Variants in PPAN observed in about 807,000 individuals in gnomAD.
The protein encoded by PPAN is peter pan homolog.
PPAN carries 39 observed loss-of-function variants against 48.5 expected under a neutral mutation model. The observed-to-expected ratio is 0.80, with a 90% CI of 0.62 to 1.05. The LOEUF is 1.05. Among genes scored for constraint, PPAN ranks in the 50% least tolerant of loss-of-function variants. The pLI, the probability that PPAN is intolerant of heterozygous loss-of-function variation, is 0.00. For missense variants in PPAN, 736 were observed against 661.7 expected (o/e 1.11, Z -1.23); for synonymous variants, 315 against 268.6 (o/e 1.17, Z -1.69).
intron 2 of PPAN, 200 bp downstream of exon 2, chr19:10,106,871 T>C: frequency 2.3e-6 from 2 of 863,274 alleles, no homozygotes; most frequent in East Asian, 2.7e-5. Context: ...AGATAGATAG[T>C]CGCCTAAGCC....
rs763976517 is a variant in PPAN, at chr19:10,109,942, G to A, written c.620G>A (p.Ser207Asn). Residue 207 changes from serine to asparagine, a missense_variant, in exon 7 of 12, where the codon AGT becomes AAT. Physicochemically the swap from Ser to Asn is conservative, Grantham distance 46. Transcript: ENST00000253107. ...YSIKVVPVGA[S>N]RGMKKLLQEK... ...ATCAAAGTTGTTCCTGTGGGCGCGA[G>A]TCGCGGGATGAAGAAGCTGCTCCAG... 6.2e-7 allele frequency: 1 copy of A among 1,613,986 alleles called. No homozygotes were observed. Among genetic ancestry groups the A allele is most frequent in the Non-Finnish European group, 8.5e-7 (1 of 1,179,970 alleles).
Position 10,110,645 on chromosome 19 carries a change from AGG to A in PPAN, c.1031+37_1031+38del. Reference sequence around the variant, plus strand: ...GGCAGAGCTGGGAAGGGCAGGGCCAAGGGGGGGTCCCTGGGATGGGCGGCTAT... The same window carrying A: ...GGCAGAGCTGGGAAGGGCAGGGCCAAGGGGGTCCCTGGGATGGGCGGCTAT... On this transcript the variant is annotated intron_variant, in intron 10 of 11. Coordinates refer to ENST00000253107, the MANE Select transcript of PPAN (RefSeq NM_020230.7). This position sits in a 1 kb window ranked among gnomAD's most constrained non-coding sequence, Gnocchi z 5.9. 1 of 1,610,630 alleles carries A rather than the reference AGG, an allele frequency of 6.2e-7. No individual in the cohort carries two copies. The highest frequency in any genetic ancestry group is 1.1e-5 in the South Asian group (1 of 90,952).
chr19:10,106,473 G>A (rs1040065680), intron 1 of PPAN, 28 bp from the exon 2 acceptor site: 2 of 1,548,730 alleles, frequency 1.3e-6, no homozygotes, highest in Admixed American at 2.0e-5. Context: ...AGGTCGCGGC[G>A]CTGACCCTTT....
upstream of PPAN, chr19:10,106,333 G>A: frequency 6.5e-7 from 1 of 1,547,160 alleles, no homozygotes; most frequent in East Asian, 2.5e-5. Flanking sequence ...TCAGGCGCCG[G>A]AAGTGAGCTG....
chr19:10,106,981 A>G (rs1006523910), intron 2 of PPAN: 7 of 627,584 alleles, frequency 1.1e-5, no homozygotes, highest in African/African-American at 5.4e-5. Context: ...GAGCCCAGGA[A>G]TTCGAGACCA....
At chr19:10,108,226 G>C (rs1418379920) in intron 5 of PPAN, 92 bp downstream of exon 5, 1 of 1,488,436 alleles carries the variant, frequency 6.7e-7, no homozygotes, top group African/African-American at 1.4e-5. Context: ...TCCTCCCAGC[G>C]CTGAGACTGG....
chr19:10,108,003 C>A lies in PPAN; in HGVS notation c.382C>A (p.His128Asn). ...TGATGTGGTCTCCTCACTGCGCCGG[C>A]ACCGCATGCACGAGCAGCAGTTTGC... Reference protein sequence around the residue: ...VRDVVSSLRRHRMHEQQFAHP... With the variant: ...VRDVVSSLRRNRMHEQQFAHP... The change falls in exon 5 of 12, where the codon CAC (histidine) becomes AAC (asparagine). Residue 128 changes from histidine (H) to asparagine (N), a missense_variant. By Grantham distance (68) the His-to-Asn change is moderately conservative. Coordinates refer to ENST00000253107, the MANE Select transcript of PPAN (RefSeq NM_020230.7). 1 of 1,611,880 alleles carries A rather than the reference C, an allele frequency of 6.2e-7. No individual in the cohort carries two copies. Among genetic ancestry groups the A allele is most frequent in the Non-Finnish European group, 8.5e-7 (1 of 1,178,754 alleles).
At chr19:10,109,804 C>G in intron 6 of PPAN, 97 bp downstream of exon 6, 2 of 1,590,496 alleles carry the variant, frequency 1.3e-6, no homozygotes, top group Non-Finnish European at 1.7e-6. Flanking sequence ...TGTGATTGCT[C>G]TGTCCAAAGT....
Position 10,110,480 on chromosome 19 carries a change from C to T in PPAN, c.902-5C>T, listed in dbSNP as rs1429249118. On this transcript the variant is annotated splice_region_variant and splice_polypyrimidine_tract_variant and intron_variant, in intron 9 of 11. Coordinates refer to ENST00000253107, the MANE Select transcript of PPAN (RefSeq NM_020230.7). The surrounding 1 kb of genome is among the most constrained non-coding windows in gnomAD (Gnocchi z 5.9). ...GATCTTGGTGACCCGCGTCTCTTGG[C>T]TCAGTGAGCAAGACGGAGGAGGAGC... 1 of 1,612,446 alleles carries T rather than the reference C, an allele frequency of 6.2e-7. No homozygotes were observed. The highest frequency in any genetic ancestry group is 8.5e-7 in the Non-Finnish European group (1 of 1,179,712).
In PPAN at chr19:10,110,799, C is replaced by T. The variant is rs1041229493; in HGVS notation, c.1134C>T (p.Asp378=). 4 of 1,613,806 alleles carry T rather than the reference C, an allele frequency of 2.5e-6. No homozygotes were observed. The highest frequency in any genetic ancestry group is 1.7e-5 in the Admixed American group (1 of 59,990). Residue 378 remains aspartate (D), a synonymous_variant, in exon 11 of 12, where the codon GAC becomes GAT. Coordinates refer to ENST00000253107, the MANE Select transcript of PPAN (RefSeq NM_020230.7). The surrounding 1 kb of genome is among the most constrained non-coding windows in gnomAD (Gnocchi z 5.9). ...SRTASLELGE[D]DDEQEDDDIE... ...CGGCGAGCCTGGAGTTGGGTGAGGA[C>T]GATGATGAACAGGAAGATGATGACA...
chr19:10,107,792 C>G lies in PPAN; in HGVS notation c.292-12C>G. 1 of 1,613,704 alleles carries G rather than the reference C, an allele frequency of 6.2e-7. No homozygotes were observed. The highest frequency in any genetic ancestry group is 8.5e-7 in the Non-Finnish European group (1 of 1,179,652). Reference sequence around the variant, plus strand: ...ACCCCTCCAGAGTCACTGATCTTTTCTTCTCCTGCAGAAGCTGATGCGCCT... The same window carrying G: ...ACCCCTCCAGAGTCACTGATCTTTTGTTCTCCTGCAGAAGCTGATGCGCCT... On this transcript the variant is annotated splice_polypyrimidine_tract_variant and intron_variant, in intron 3 of 11. Transcript: ENST00000253107.
Position 10,106,524 on chromosome 19 carries a change from CGCCCAGGCGCA to C in PPAN, c.45_55del (p.Gln16ProfsTer47). 6.4e-7 allele frequency: 1 copy of C among 1,553,156 alleles called. No individual in the cohort carries two copies. The highest frequency in any genetic ancestry group is 8.7e-7 in the Non-Finnish European group (1 of 1,148,358). On this transcript the variant is annotated frameshift_variant, in exon 2 of 12. Transcript: ENST00000253107. LOFTEE classifies it high-confidence loss of function. Reference sequence around the variant, plus strand: ...AGTCCCGGCACCAGAAGCGCGCCCGCGCCCAGGCGCAGCTCCGCAACCTCGAGGCCTATGCC... The same window carrying C: ...AGTCCCGGCACCAGAAGCGCGCCCGCGCTCCGCAACCTCGAGGCCTATGCC...
At chr19:10,107,439 G>A (rs1168352470) in intron 2 of PPAN, 66 bp from the exon 3 acceptor site, 11 of 1,547,138 alleles carry the variant, frequency 7.1e-6, no homozygotes, top group Admixed American at 3.5e-5. Context: ...GATCTGCACC[G>A]TCAGCTTATA....
Position 10,106,678 on chromosome 19 carries a change from AC to A in PPAN, c.189+11del. On this transcript the variant is annotated splice_region_variant and intron_variant, in intron 2 of 11. Coordinates refer to ENST00000253107, the MANE Select transcript of PPAN (RefSeq NM_020230.7). ...CACTGCCAGCCGTCTGCAGGTTTGT[AC>A]CCCACCCCCAGCCCGCCTCCACCCA... 6.6e-7 allele frequency: 1 copy of A among 1,523,860 alleles called. No individual in the cohort carries two copies. The highest frequency in any genetic ancestry group is 8.8e-7 in the Non-Finnish European group (1 of 1,130,924). The allele number at this position is 1,523,860 out of a possible 1,614,324, so 94.4% of individuals were successfully genotyped here.
chr19:10,108,305 G>C (rs924314638), intron 5 of PPAN, among the ~76,000 whole-genome samples, 171 bp downstream of exon 5: 2 of 152,162 alleles, frequency 1.3e-5, no homozygotes, highest in Non-Finnish European at 2.9e-5. Flanking sequence ...GGGCAAAAGT[G>C]TCCAGAGATT....
intron 2 of PPAN, chr19:10,107,012 C>T (rs1252296336): frequency 1.7e-6 from 1 of 599,838 alleles, no homozygotes; most frequent in East Asian, 3.6e-5. Context: ...CATGGTGAAA[C>T]CCCGTCTTTA....
At position 10,111,587 on chromosome 19, in the gene PPAN, GGCACGCTGGCCTGCTCT is replaced by G. The variant is rs1053303422; in HGVS notation, c.*425_*441del. ...ATGAGGAAGGAAACGTGGGTGGAAA[GGCACGCTGGCCTGCTCT>G]GCTGGCTGGGCCAGTAACTGGGGAT... On this transcript the variant is annotated 3_prime_UTR_variant, in exon 12 of 12. Transcript: ENST00000253107. 1 of 1,097,264 alleles carries G rather than the reference GGCACGCTGGCCTGCTCT, an allele frequency of 9.1e-7. No individual in the cohort carries two copies. Among genetic ancestry groups the G allele is most frequent in the Non-Finnish European group, 1.4e-6 (1 of 733,460 alleles). The allele number at this position is 1,097,264 out of a possible 1,614,324, so 68.0% of individuals were successfully genotyped here. A position where few individuals can be genotyped will look rare whatever the true frequency, so the allele number is the denominator to read the frequency against.
intron 2 of PPAN, 80 bp from the exon 3 acceptor site, chr19:10,107,425 A>G: frequency 6.7e-7 from 1 of 1,482,996 alleles, no homozygotes; most frequent in Non-Finnish European, 9.2e-7. Flanking sequence ...ACAGACCATA[A>G]CAGGATCTGC....
intron 5 of PPAN, among the ~76,000 whole-genome samples, chr19:10,109,206 G>A (rs1323478596): frequency 1.4e-4 from 22 of 151,896 alleles, no homozygotes; most frequent in Admixed American, 1.3e-3. Flanking sequence ...TGAGCTGCCC[G>A]CCTCGGCCTC....
Sources: allele counts gnomAD v4.1 joint callset (sites outside exome capture counted in the v4.1 genomes callset), GRCh38; gene constraint gnomAD v4.1.1; non-coding constraint Gnocchi (gnomAD v3.1); transcripts MANE v1.5; gene names NCBI Gene and HGNC (gene_info 2026-07-23, HGNC 2026-07-21).